The following CFAP299 variants were observed in gnomAD, a reference collection of about 807,000 sequenced individuals.
CFAP299 encodes the protein cilia and flagella associated protein 299.
Under a neutral mutation model 27.0 loss-of-function variants are expected in CFAP299, and 21 were observed. The ratio of observed to expected loss-of-function variants is 0.78; its 90% CI spans 0.55 to 1.12. The LOEUF is 1.12. CFAP299 is among the 50% of genes most tolerant of loss of function. CFAP299 has a pLI of 0.00. For synonymous variants in CFAP299, 104 were observed against 98.1 expected (o/e 1.06, Z -0.36); for missense variants, 310 against 276.6 (o/e 1.12, Z -0.86).
intron 2 of CFAP299, among the ~76,000 whole-genome samples, chr4:80,521,339 A>G (rs544973637): frequency 2.3e-4 from 35 of 152,256 alleles, no homozygotes; most frequent in African/African-American, 8.2e-4. Flanking sequence ...TCACTTAAAT[A>G]TTTGATTTAA....
At chr4:80,777,672 T>C (rs2110088484) in intron 3 of CFAP299, among the ~76,000 whole-genome samples, 1 of 152,264 alleles carries the variant, frequency 6.6e-6, no homozygotes, top group South Asian at 2.1e-4. Flanking sequence ...CTTGCTTGTG[T>C]CCTGATTTCA....
chr4:80,935,676 A>T (rs2110222658), intron 4 of CFAP299, among the ~76,000 whole-genome samples: 2 of 152,292 alleles, frequency 1.3e-5, no homozygotes, highest in East Asian at 3.9e-4. Flanking sequence ...CATGACAAAG[A>T]TGCCAAAAGC....
chr4:80,937,301 TTTTTTTCTTTC>T (rs1325378209), intron 4 of CFAP299, among the ~76,000 whole-genome samples: 1 of 140,034 alleles, frequency 7.1e-6, no homozygotes, highest in Admixed American at 7.0e-5. Flanking sequence ...CTTTTTTCTT[TTTTTTTCTTTC>T]TTTTTTTTTT....
At chr4:80,889,011 CAAAAAAAAA>C (rs35328435) in intron 4 of CFAP299, among the ~76,000 whole-genome samples, 1 of 52,712 alleles carries the variant, frequency 1.9e-5, no homozygotes, top group African/African-American at 6.9e-5. Context: ...AGTGCCTAAG[CAAAAAAAAA>C]AAAAAAAAAA....
intron 1 of CFAP299, among the ~76,000 whole-genome samples, chr4:80,350,536 A>G (rs116279327): frequency 0.021 from 3,242 of 152,288 alleles, 69 homozygotes; most frequent in Admixed American, 0.069. Flanking sequence ...AACAAACCCA[A>G]ATGCCACCAA....
chr4:80,478,024 A>G (rs1173439412), intron 2 of CFAP299, among the ~76,000 whole-genome samples: 1 of 151,950 alleles, frequency 6.6e-6, no homozygotes, highest in African/African-American at 2.4e-5. Flanking sequence ...GCAGTTATTT[A>G]CTCTCCCGCT....
At chr4:80,606,764 A>C (rs1737699368) in intron 3 of CFAP299, among the ~76,000 whole-genome samples, 1 of 152,170 alleles carries the variant, frequency 6.6e-6, no homozygotes, top group Non-Finnish European at 1.5e-5. Context: ...TTAAAGGTTG[A>C]ATAATATTTC....
chr4:80,838,327 A>G (rs997385799), intron 3 of CFAP299, among the ~76,000 whole-genome samples: 2 of 152,086 alleles, frequency 1.3e-5, no homozygotes. Flanking sequence ...TTAGTCATGT[A>G]ATCTTTGCCC....
intron 3 of CFAP299, among the ~76,000 whole-genome samples, chr4:80,671,976 C>T (rs1256166914): frequency 6.6e-6 from 1 of 152,144 alleles, no homozygotes; most frequent in Non-Finnish European, 1.5e-5. Flanking sequence ...TCCTCTTTTC[C>T]TAATTGAGTA....
chr4:80,824,532 G>A (rs150921326), intron 3 of CFAP299, among the ~76,000 whole-genome samples: 56 of 152,264 alleles, frequency 3.7e-4, no homozygotes, highest in African/African-American at 1.3e-3. Context: ...TAAAGGGCCA[G>A]TGCCTCGTAC....
At chr4:80,580,711 G>A (rs1736117953) in intron 2 of CFAP299, among the ~76,000 whole-genome samples, 1 of 151,946 alleles carries the variant, frequency 6.6e-6, no homozygotes, top group Non-Finnish European at 1.5e-5. Context: ...AGCTATGAGT[G>A]TCTGAGCTAC....
intron 4 of CFAP299, among the ~76,000 whole-genome samples, chr4:80,894,029 A>C (rs189847790): frequency 1.5e-4 from 23 of 152,120 alleles, no homozygotes; most frequent in African/African-American, 5.1e-4. Flanking sequence ...GAAAACAAAT[A>C]ACCCAATTAA....
intron 2 of CFAP299, among the ~76,000 whole-genome samples, chr4:80,403,877 A>G (rs1185191903): frequency 6.6e-6 from 1 of 152,170 alleles, no homozygotes; most frequent in Non-Finnish European, 1.5e-5. Flanking sequence ...TAGTAGATAA[A>G]TCACTTTTTG....
chr4:80,324,159 C>G, the CFAP299 span, among the ~76,000 whole-genome samples: 1 of 152,114 alleles, frequency 6.6e-6, no homozygotes, highest in Non-Finnish European at 1.5e-5. Flanking sequence ...TCGATAGGCC[C>G]CGGTATGTGA....
chr4:80,355,419 G>A (rs536957337), intron 1 of CFAP299, among the ~76,000 whole-genome samples: 4 of 142,222 alleles, frequency 2.8e-5, no homozygotes, highest in Non-Finnish European at 3.0e-5. Flanking sequence ...ATGCAGTGGC[G>A]CGATCTCGGC....
chr4:80,784,617 A>G (rs1396250618), intron 3 of CFAP299, among the ~76,000 whole-genome samples: 2 of 152,056 alleles, frequency 1.3e-5, no homozygotes, highest in Non-Finnish European at 2.9e-5. Context: ...TCCCAGGATC[A>G]AGTGATTCTG....
At chr4:80,960,746 G>A (rs1738303766) in intron 5 of CFAP299, among the ~76,000 whole-genome samples, 1 of 151,766 alleles carries the variant, frequency 6.6e-6, no homozygotes, top group Non-Finnish European at 1.5e-5. Context: ...ATTTCAAGAA[G>A]AAAACTAGGG....
rs1725120433 is a variant in CFAP299, at chr4:80,388,141, G to A, written c.242+25257G>A. ...GATTGGGATGCCCAGGGGGGCCCAG[G>A]CTGTGGGGTGGAGGTGGTGAGGGCA... On this transcript the variant is annotated intron_variant, in intron 2 of 5. Transcript: ENST00000358105. The A allele has an allele frequency of 1.3e-5, 9 of 674,106 alleles. No homozygotes were observed. In the East Asian group the frequency reaches 2.1e-4, roughly 16 times the overall value. 41.8% of individuals were successfully genotyped at this position (674,106 alleles called of 1,614,324 possible). A position where few individuals can be genotyped will look rare whatever the true frequency, so the allele number is the denominator to read the frequency against.
intron 4 of CFAP299, among the ~76,000 whole-genome samples, chr4:80,882,790 A>T (rs987608679): frequency 1.3e-5 from 2 of 152,136 alleles, no homozygotes; most frequent in African/African-American, 4.8e-5. Flanking sequence ...AAGAGAAAAA[A>T]CTGCCAACCA....
Sources: gnomAD v4.1 joint callset for allele counts (sites outside exome capture counted in the v4.1 genomes callset) on GRCh38, gnomAD v4.1.1 for gene constraint, MANE v1.5 for transcripts, NCBI Gene and HGNC (gene_info 2026-07-23, HGNC 2026-07-21) for gene names.